RGS7: variants seen among roughly 807,000 people sequenced by gnomAD.
RGS7 encodes the protein regulator of G protein signaling 7, also known as regulator of G-protein signaling 7.
RGS7 carries 27 observed loss-of-function variants against 81.1 expected under a neutral mutation model. The observed-to-expected ratio is 0.33, with a 90% CI of 0.25 to 0.46. The LOEUF (loss-of-function observed/expected upper bound fraction) is 0.46, where lower values mean the gene tolerates loss of function less well. Among genes scored for constraint, RGS7 ranks in the 20% least tolerant of loss-of-function variants. The probability of loss-of-function intolerance (pLI) is 1.00; values close to 1 mark genes in which losing one functional copy is unlikely to be tolerated. For missense variants in RGS7, 396 were observed against 607.4 expected, an observed-to-expected ratio of 0.65 and a Z score of 3.66; for synonymous variants, 208 against 207.7, an observed-to-expected ratio of 1.00 and a Z score of -0.01.
chr1:241,033,025 ATTC>A (rs1321339929), intron 3 of RGS7, among the ~76,000 whole-genome samples: 1 of 152,116 alleles, frequency 6.6e-6, no homozygotes, highest in East Asian at 1.9e-4. Flanking sequence ...GTATTGATGA[ATTC>A]TTCTTACGGA....
intron 3 of RGS7, among the ~76,000 whole-genome samples, chr1:241,053,513 A>G (rs2061347965): frequency 6.6e-6 from 1 of 152,234 alleles, no homozygotes; most frequent in Admixed American, 6.5e-5. Flanking sequence ...AATTTTAATA[A>G]TATGACACTG....
chr1:240,842,980 T>A lies in RGS7; in HGVS notation c.610-15808A>T, dbSNP rs535748204. 4.6e-5 allele frequency among the ~76,000 whole-genome samples: 7 copies of A among 151,968 alleles called. No individual in the cohort carries two copies. In the East Asian group the frequency reaches 1.4e-3, roughly 30 times the overall value. On this transcript the variant is annotated intron_variant, in intron 9 of 18. Coordinates refer to ENST00000440928, the MANE Select transcript of RGS7 (RefSeq NM_001364886.1). ...GAGTTCTAGACCAGCCTGGCCAATA[T>A]GGTGAAACCCCATCTCTACTAAAAA...
intron 2 of RGS7, among the ~76,000 whole-genome samples, chr1:241,146,451 A>G (rs928491679): frequency 2.6e-5 from 4 of 152,146 alleles, no homozygotes; most frequent in Admixed American, 1.3e-4. Flanking sequence ...GATACTGAGA[A>G]ACAACGCTAT....
At chr1:240,925,898 T>C (rs1382069787) in intron 6 of RGS7, among the ~76,000 whole-genome samples, 1 of 152,234 alleles carries the variant, frequency 6.6e-6, no homozygotes, top group Non-Finnish European at 1.5e-5. Context: ...CATTTTCTTG[T>C]ATGTTTGCTG....
At chr1:240,967,599 G>T (rs1214126143) in intron 4 of RGS7, among the ~76,000 whole-genome samples, 3 of 150,090 alleles carry the variant, frequency 2.0e-5, no homozygotes, top group Non-Finnish European at 3.0e-5. Flanking sequence ...TGTAGCAAGA[G>T]TATGGGCTTC....
chr1:241,042,922 C>T (rs970777752), intron 3 of RGS7, among the ~76,000 whole-genome samples: 4 of 150,398 alleles, frequency 2.7e-5, no homozygotes, highest in African/African-American at 9.8e-5. Flanking sequence ...CACCATTGCA[C>T]TCCAGCCTGG....
intron 2 of RGS7, among the ~76,000 whole-genome samples, chr1:241,193,468 A>G (rs1215233583): frequency 1.3e-5 from 2 of 152,226 alleles, no homozygotes; most frequent in Non-Finnish European, 2.9e-5. Context: ...GTGATTTCCA[A>G]CTACTGTGTC....
At chr1:240,936,491 A>G (rs1382210133) in intron 5 of RGS7, 109 bp downstream of exon 5, 4 of 820,692 alleles carry the variant, frequency 4.9e-6, no homozygotes, top group Non-Finnish European at 8.4e-6. Flanking sequence ...AGCCTAAGTC[A>G]AAGTAAAATA....
chr1:240,991,372 TGG>T (rs1383987704), intron 3 of RGS7, among the ~76,000 whole-genome samples: 5 of 152,172 alleles, frequency 3.3e-5, no homozygotes, highest in African/African-American at 4.8e-5. Flanking sequence ...TAAAAGGTAA[TGG>T]AGACCACCCT....
At chr1:240,939,662 A>C (rs1241536445) in intron 4 of RGS7, among the ~76,000 whole-genome samples, 1 of 152,200 alleles carries the variant, frequency 6.6e-6, no homozygotes, top group African/African-American at 2.4e-5. Context: ...TAGCTGGCCT[A>C]TCTCTTCCTA....
At chr1:241,148,810 C>A (rs1057496888) in intron 2 of RGS7, among the ~76,000 whole-genome samples, 3 of 152,214 alleles carry the variant, frequency 2.0e-5, no homozygotes, top group Non-Finnish European at 2.9e-5. Flanking sequence ...CGTATGCACA[C>A]CACACATAAA....
intron 3 of RGS7, among the ~76,000 whole-genome samples, chr1:241,088,055 TAC>T (rs201290993): frequency 0.042 from 5,804 of 138,788 alleles, 458 homozygotes; most frequent in African/African-American, 0.17. Context: ...TATATATATA[TAC>T]ACACACACAC....
Position 241,079,080 on chromosome 1 carries a change from C to T in RGS7, c.175+19586G>A, listed in dbSNP as rs2062988737. 2.0e-5 allele frequency among the ~76,000 whole-genome samples: 3 copies of T among 152,158 alleles called. No individual in the cohort carries two copies. In the South Asian group the frequency reaches 6.2e-4, roughly 31 times the overall value. ...TGTATTTAATTTCCTGGCTCTTCATCCTGAAATGCGTCTAAGCTAGTAACA... is the reference window on the plus strand; with the variant it reads ...TGTATTTAATTTCCTGGCTCTTCATTCTGAAATGCGTCTAAGCTAGTAACA... On this transcript the variant is annotated intron_variant, in intron 3 of 18. Transcript: ENST00000440928.
In RGS7 at chr1:241,241,392, C is replaced by T. The variant is rs374799422; in HGVS notation, c.78+114307G>A. Among the ~76,000 whole-genome samples the T allele has an allele frequency of 1.1e-3, 162 of 152,034 alleles. 1 individual carries two copies. Among genetic ancestry groups the T allele is most frequent in the Middle Eastern group, 3.4e-3 (1 of 294 alleles). ...TTTGCACCAACTAGTGCTAGCAATG[C>T]CTTAAAAAATAAATTGGGCTCAAGA... On this transcript the variant is annotated intron_variant, in intron 2 of 18. Transcript: ENST00000440928.
rs972428055 is a variant in RGS7 at position 241,236,333 on chromosome 1, C to T, written c.78+119366G>A. Reference sequence around the variant, plus strand: ...AGGAATATTATACGACATGCAATTTCGCAATTCAAGGTTTTTCTCTTTCAG... The same window carrying T: ...AGGAATATTATACGACATGCAATTTTGCAATTCAAGGTTTTTCTCTTTCAG... On this transcript the variant is annotated intron_variant, in intron 2 of 18. Transcript: ENST00000440928. Among the ~76,000 whole-genome samples the T allele has an allele frequency of 5.9e-5, 9 of 152,196 alleles. 1 individual carries two copies. In the Middle Eastern group the frequency reaches 0.01, roughly 173 times the overall value.
chr1:241,023,153 GT>G (rs999617082), intron 3 of RGS7, among the ~76,000 whole-genome samples: 2 of 150,192 alleles, frequency 1.3e-5, no homozygotes, highest in African/African-American at 4.9e-5. Context: ...ATGAGATATA[GT>G]TGTCATAATG....
At chr1:240,991,728 G>A (rs530197952) in intron 3 of RGS7, among the ~76,000 whole-genome samples, 2 of 152,280 alleles carry the variant, frequency 1.3e-5, no homozygotes, top group East Asian at 3.9e-4. Context: ...TAATAAGTGT[G>A]TAAAATGTTC....
chr1:241,130,864 C>T (rs945192160), intron 2 of RGS7, among the ~76,000 whole-genome samples: 3 of 147,736 alleles, frequency 2.0e-5, no homozygotes, highest in African/African-American at 7.7e-5. Flanking sequence ...CTGTCCTATC[C>T]ATCTTTGATG....
At chr1:241,127,944 A>T (rs2103024850) in intron 2 of RGS7, among the ~76,000 whole-genome samples, 1 of 152,276 alleles carries the variant, frequency 6.6e-6, no homozygotes, top group African/African-American at 2.4e-5. Context: ...ACAGTTGCAT[A>T]GATTTGAAGA....
Sources: gnomAD v4.1 joint callset for allele counts (sites outside exome capture counted in the v4.1 genomes callset) on GRCh38, gnomAD v4.1.1 for gene constraint, MANE v1.5 for transcripts, NCBI Gene and HGNC (gene_info 2026-07-23, HGNC 2026-07-21) for gene names.